The following SLC24A2 variants were observed in gnomAD, a reference collection of about 807,000 sequenced individuals.
SLC24A2 encodes the protein sodium/potassium/calcium exchanger 2.
SLC24A2 carries 36 observed loss-of-function variants against 62.0 expected under a neutral mutation model. The observed-to-expected ratio is 0.58, with a 90% CI of 0.44 to 0.77. SLC24A2 has a LOEUF of 0.77. Ranked by LOEUF, SLC24A2 falls within the 30% of genes least tolerant of loss-of-function variation. The probability of loss-of-function intolerance (pLI) is 0.00; values close to 1 mark genes in which losing one functional copy is unlikely to be tolerated. For synonymous variants in SLC24A2, 358 were observed against 294.0 expected (o/e 1.22, Z -2.23); for missense variants, 846 against 817.9 (o/e 1.03, Z -0.42).
intron 2 of SLC24A2, among the ~76,000 whole-genome samples, chr9:19,769,978 T>C (rs1052294839): frequency 2.8e-4 from 43 of 151,902 alleles, no homozygotes; most frequent in African/African-American, 9.7e-4. Flanking sequence ...GCACTTACTT[T>C]AGTTACTTTA....
At chr9:19,956,956 T>C in the SLC24A2 span, among the ~76,000 whole-genome samples, 2 of 152,210 alleles carry the variant, frequency 1.3e-5, no homozygotes, top group Admixed American at 1.3e-4. Flanking sequence ...ACTGCATCTG[T>C]GGAGGCTTGG....
chr9:19,953,499 G>T, the SLC24A2 span, among the ~76,000 whole-genome samples: 1 of 152,046 alleles, frequency 6.6e-6, no homozygotes, highest in African/African-American at 2.4e-5. Flanking sequence ...GATTGAATAA[G>T]TACTTTTCAT....
intron 5 of SLC24A2, among the ~76,000 whole-genome samples, chr9:19,594,716 A>T (rs761124525): frequency 7.9e-5 from 12 of 152,234 alleles, no homozygotes; most frequent in Non-Finnish European, 1.3e-4. Context: ...ATTGCCCCAA[A>T]CATCTTTGTC....
the SLC24A2 span, among the ~76,000 whole-genome samples, chr9:20,236,528 T>C: frequency 6.6e-6 from 1 of 152,200 alleles, no homozygotes; most frequent in African/African-American, 2.4e-5. Context: ...CTTGATTCTC[T>C]GTCGAAGGGA....
chr9:20,300,647 C>T, the SLC24A2 span, among the ~76,000 whole-genome samples: 1 of 152,124 alleles, frequency 6.6e-6, no homozygotes, highest in Middle Eastern at 3.2e-3. Flanking sequence ...ACATTTCCTT[C>T]AAAACAAGCT....
chr9:20,210,667 T>C, the SLC24A2 span, among the ~76,000 whole-genome samples: 1 of 73,172 alleles, frequency 1.4e-5, no homozygotes, highest in African/African-American at 4.4e-5. Flanking sequence ...TTTTTTTTTT[T>C]TTTTTTTTCT....
chr9:20,242,386 T>A, the SLC24A2 span, among the ~76,000 whole-genome samples: 11 of 152,218 alleles, frequency 7.2e-5, no homozygotes, highest in African/African-American at 2.7e-4. Context: ...TTTTATCACA[T>A]CCAAGGTTGA....
chr9:20,146,823 G>C, the SLC24A2 span, among the ~76,000 whole-genome samples: 1 of 152,110 alleles, frequency 6.6e-6, no homozygotes, highest in African/African-American at 2.4e-5. Flanking sequence ...CTGGGGGACA[G>C]TGGCAGAGTG....
At chr9:20,252,397 A>T in the SLC24A2 span, among the ~76,000 whole-genome samples, 2 of 152,226 alleles carry the variant, frequency 1.3e-5, no homozygotes, top group African/African-American at 4.8e-5. Context: ...CCAGCTGAGC[A>T]CTGTGTCTGG....
chr9:19,859,383 T>C, the SLC24A2 span, among the ~76,000 whole-genome samples: 1 of 152,104 alleles, frequency 6.6e-6, no homozygotes, highest in African/African-American at 2.4e-5. Flanking sequence ...ATTAAAAAAC[T>C]ACCTATTGAG....
chr9:20,294,294 C>A, the SLC24A2 span, among the ~76,000 whole-genome samples: 8 of 152,084 alleles, frequency 5.3e-5, no homozygotes, highest in Non-Finnish European at 7.4e-5. Context: ...AACCCTGCCA[C>A]ATTTCTCCAC....
chr9:20,257,394 T>C, the SLC24A2 span, among the ~76,000 whole-genome samples: 1 of 152,246 alleles, frequency 6.6e-6, no homozygotes, highest in African/African-American at 2.4e-5. Context: ...TAAGTCCTGG[T>C]GCCCTTTTTT....
the SLC24A2 span, among the ~76,000 whole-genome samples, chr9:20,108,532 G>C: frequency 6.6e-6 from 1 of 152,296 alleles, no homozygotes; most frequent in South Asian, 2.1e-4. Context: ...ACAATGATGA[G>C]TTCATGTCCT....
the SLC24A2 span, among the ~76,000 whole-genome samples, chr9:19,958,977 T>C: frequency 6.6e-6 from 1 of 152,194 alleles, no homozygotes; most frequent in Non-Finnish European, 1.5e-5. Context: ...ACAATTTTTG[T>C]GTAGCAAGTC....
intron 2 of SLC24A2, among the ~76,000 whole-genome samples, chr9:19,639,673 A>G (rs1283857349): frequency 6.6e-6 from 1 of 152,236 alleles, no homozygotes; most frequent in Non-Finnish European, 1.5e-5. Context: ...ACCTATTTCC[A>G]TCTGTAATGA....
chr9:19,778,084 AAC>A (rs1219305066), intron 2 of SLC24A2, among the ~76,000 whole-genome samples: 1 of 152,216 alleles, frequency 6.6e-6, no homozygotes, highest in Non-Finnish European at 1.5e-5. Flanking sequence ...AAAATTCCAT[AAC>A]AGTGTCACTT....
At chr9:20,232,720 T>C in the SLC24A2 span, among the ~76,000 whole-genome samples, 1 of 152,222 alleles carries the variant, frequency 6.6e-6, no homozygotes, top group Non-Finnish European at 1.5e-5. Context: ...AAGGGTTTTT[T>C]GTGTCTCTAT....
chr9:19,650,117 G>T (rs1002759922), intron 2 of SLC24A2, among the ~76,000 whole-genome samples: 1 of 152,172 alleles, frequency 6.6e-6, no homozygotes, highest in Admixed American at 6.5e-5. Flanking sequence ...AAGATGAAAG[G>T]AGATCATTCA....
the SLC24A2 span, among the ~76,000 whole-genome samples, chr9:19,923,372 G>A: frequency 6.6e-6 from 1 of 152,150 alleles, no homozygotes; most frequent in African/African-American, 2.4e-5. Context: ...TCATTGAATT[G>A]ATAATACTTT....
Sources: allele counts gnomAD v4.1 joint callset (sites outside exome capture counted in the v4.1 genomes callset), GRCh38; gene constraint gnomAD v4.1.1; transcripts MANE v1.5; gene names NCBI Gene and HGNC (gene_info 2026-07-23, HGNC 2026-07-21).